MNS1: variants seen among roughly 807,000 people sequenced by gnomAD.
MNS1 encodes the protein meiosis-specific nuclear structural protein 1.
In MNS1, 63 loss-of-function variants were observed where a neutral mutation model predicts 72.0. That is an observed-to-expected ratio of 0.87 (90% CI 0.71 to 1.08). MNS1 has a LOEUF of 1.08. MNS1 is among the 50% of genes least tolerant of loss of function. MNS1 has a pLI of 0.00. For missense variants in MNS1, 604 were observed against 562.4 expected (o/e 1.07, Z -0.75); for synonymous variants, 188 against 172.1 (o/e 1.09, Z -0.72).
Position 56,464,050 on chromosome 15 carries a change from C to A in MNS1, c.201G>T (p.Leu67Phe). 1 of 1,612,632 alleles carries A rather than the reference C, an allele frequency of 6.2e-7. No homozygotes were observed. Among genetic ancestry groups the A allele is most frequent in the Non-Finnish European group, 8.5e-7 (1 of 1,179,570 alleles). Residue 67 changes from leucine (L) to phenylalanine (F), a missense_variant, in exon 2 of 10, where the codon TTG becomes TTT. By Grantham distance (22) the Leu-to-Phe change is conservative (BLOSUM62 0). Transcript: ENST00000260453. Reference protein sequence around the residue: ...LRLLQNEQFELDMEEAIQKAE... With the variant: ...LRLLQNEQFEFDMEEAIQKAE... ...CCTTTTGAATGGCCTCTTCCATATC[C>A]AACTCAAATTGTTCATTTTGTAATA... is the stretch of plus-strand genomic sequence containing the variant.
chr15:56,444,260 CATTT>C (rs2050869204), intron 5 of MNS1, among the ~76,000 whole-genome samples, 180 bp downstream of exon 5: 1 of 152,016 alleles, frequency 6.6e-6, no homozygotes, highest in Non-Finnish European at 1.5e-5. Flanking sequence ...TCAGATAATT[CATTT>C]ATTAATTATG....
At chr15:56,429,687 G>C (rs1307927853) in intron 9 of MNS1, 1 of 152,132 alleles carries the variant, frequency 6.6e-6, no homozygotes, top group Non-Finnish European at 1.5e-5. Context: ...ATTCTTCACT[G>C]TTCTATTTTT....
Position 56,459,999 on chromosome 15 carries a change from AAAAAAAAAAAATACATATAT to A in MNS1, c.226-3498_226-3479del, listed in dbSNP as rs1439535705. On this transcript the variant is annotated intron_variant, in intron 2 of 9. Coordinates refer to ENST00000260453, the MANE Select transcript of MNS1 (RefSeq NM_018365.4). ...GAGCGAAATTCTGTCTCAAAAAAAAAAAAAAAAAAAATACATATATATATATATATATATATGTGACTATA... is the reference window on the plus strand; with the variant it reads ...GAGCGAAATTCTGTCTCAAAAAAAAAATATATATATATATATGTGACTATA... Among the ~76,000 whole-genome samples, 3 of 33,684 alleles carry A rather than the reference AAAAAAAAAAAATACATATAT, an allele frequency of 8.9e-5. 1 individual carries two copies. Among genetic ancestry groups the A allele is most frequent in the African/African-American group, 3.3e-4 (3 of 9,154 alleles). The allele number at this position is 33,684 out of a possible 152,430, so 22.1% of individuals were successfully genotyped here. A position where few individuals can be genotyped will look rare whatever the true frequency, so the allele number is the denominator to read the frequency against.
chr15:56,461,959 G>C (rs1266062025), intron 2 of MNS1, among the ~76,000 whole-genome samples: 2 of 120,538 alleles, frequency 1.7e-5, no homozygotes, highest in Non-Finnish European at 1.7e-5. Flanking sequence ...CAATAACAAA[G>C]TGTTTTTTTG....
At chr15:56,457,135 A>G (rs2050986712) in intron 2 of MNS1, among the ~76,000 whole-genome samples, 1 of 152,140 alleles carries the variant, frequency 6.6e-6, no homozygotes, top group African/African-American at 2.4e-5. Context: ...TCACCTCTAC[A>G]CACATTTTTC....
At chr15:56,464,782 T>G (rs931020727) in intron 1 of MNS1, among the ~76,000 whole-genome samples, 188 bp downstream of exon 1, 2 of 152,150 alleles carry the variant, frequency 1.3e-5, no homozygotes, top group African/African-American at 4.8e-5. Context: ...ATGCGAAAAG[T>G]GCCAAAAAAG....
chr15:56,455,247 G>GAA (rs56339584), intron 3 of MNS1, among the ~76,000 whole-genome samples: 237 of 82,824 alleles, frequency 2.9e-3, no homozygotes, highest in Non-Finnish European at 4.0e-3. Flanking sequence ...ATCGTCAGGT[G>GAA]AAAAAAAAAA....
In MNS1 at chr15:56,436,704, C is replaced by T. The variant is rs187470676; in HGVS notation, c.1012-2309G>A. Among the ~76,000 whole-genome samples, 444 of 151,974 alleles carry T rather than the reference C, an allele frequency of 2.9e-3. 6 individuals are homozygous for T. The highest frequency in any genetic ancestry group is 7.2e-3 in the African/African-American group (297 of 41,448). On this transcript the variant is annotated intron_variant, in intron 7 of 9. Transcript: ENST00000260453. Reference sequence around the variant, plus strand: ...GAGAAGATCAACAAAATTGATAGACCGCTAGCAAGACTCATAACAAAGAAA... The same window carrying T: ...GAGAAGATCAACAAAATTGATAGACTGCTAGCAAGACTCATAACAAAGAAA...
chr15:56,456,347 T>A, intron 3 of MNS1, 47 bp downstream of exon 3: 1 of 1,548,490 alleles, frequency 6.5e-7, no homozygotes. Flanking sequence ...TACATAAGAG[T>A]TTAAAGATAA....
intron 2 of MNS1, among the ~76,000 whole-genome samples, chr15:56,461,975 G>GTTTTTTTTTT (rs56022687): frequency 5.1e-5 from 5 of 97,916 alleles, no homozygotes; most frequent in Non-Finnish European, 8.3e-5. Flanking sequence ...TTTTGTTGTT[G>GTTTTTTTTTT]TTTTTTTTTT....
rs974515219 is a variant in MNS1 at position 56,463,820 on chromosome 15, G to A, written c.225+206C>T. 3.4e-5 allele frequency: 17 copies of A among 506,756 alleles called. No homozygotes were observed. In the South Asian group the frequency reaches 5.6e-4, roughly 17 times the overall value. 31.4% of individuals were successfully genotyped at this position (506,756 alleles called of 1,614,324 possible). A position where few individuals can be genotyped will look rare whatever the true frequency, so the allele number is the denominator to read the frequency against. On this transcript the variant is annotated intron_variant, in intron 2 of 9. Transcript: ENST00000260453. ...GTAAAAGCAACTTACTCAAGGGTCC[G>A]TAGCTAAGGTATAGCAGTAGTAGGA...
rs1368295220 is a variant in MNS1, at chr15:56,443,635, T to C, written c.903+3A>G. ...AGTGTTAAAGAAGTGGTTATTTTAATACCGCATTCTGAAGCTGTAGCCTTT... is the reference window on the plus strand; with the variant it reads ...AGTGTTAAAGAAGTGGTTATTTTAACACCGCATTCTGAAGCTGTAGCCTTT... On this transcript the variant is annotated splice_donor_region_variant and intron_variant, in intron 6 of 9. Coordinates refer to ENST00000260453, the MANE Select transcript of MNS1 (RefSeq NM_018365.4). 6.2e-7 allele frequency: 1 copy of C among 1,610,224 alleles called. No homozygotes were observed. Among genetic ancestry groups the C allele is most frequent in the South Asian group, 1.1e-5 (1 of 89,940 alleles).
At chr15:56,445,590 C>A (rs2050893473) in intron 4 of MNS1, 1 of 151,900 alleles carries the variant, frequency 6.6e-6, no homozygotes, top group Non-Finnish European at 1.5e-5. Flanking sequence ...ATACTAAATT[C>A]TTTATTAAAA....
chr15:56,458,560 C>CATAATGTT (rs11270961), intron 2 of MNS1, among the ~76,000 whole-genome samples: 1 of 151,982 alleles, frequency 6.6e-6, no homozygotes, highest in Non-Finnish European at 1.5e-5. Context: ...ATGTATCTAC[C>CATAATGTT]GTACACAATC....
intron 3 of MNS1, chr15:56,447,649 TCA>T (rs1419558145): frequency 1.3e-5 from 2 of 152,342 alleles, no homozygotes; most frequent in Admixed American, 6.5e-5. Context: ...TTTTTAGTTT[TCA>T]GTTTTACTGA....
At chr15:56,438,886 A>G (rs1253065532) in intron 7 of MNS1, among the ~76,000 whole-genome samples, 2 of 152,194 alleles carry the variant, frequency 1.3e-5, no homozygotes, top group Non-Finnish European at 2.9e-5. Context: ...AGACAAGAAC[A>G]GGAAAGGTGA....
chr15:56,441,694 A>C (rs2050816637), intron 7 of MNS1, among the ~76,000 whole-genome samples: 1 of 152,176 alleles, frequency 6.6e-6, no homozygotes, highest in Non-Finnish European at 1.5e-5. Flanking sequence ...ATATCTAAGG[A>C]ACGTAAACAA....
intron 9 of MNS1, chr15:56,429,438 A>C: frequency 2.8e-6 from 1 of 357,846 alleles, no homozygotes; most frequent in South Asian, 3.8e-5. Context: ...TTTCATAGGA[A>C]TCTGAGCTCT....
intron 3 of MNS1, among the ~76,000 whole-genome samples, chr15:56,454,178 A>AT (rs1313813715): frequency 6.6e-6 from 1 of 152,102 alleles, no homozygotes; most frequent in African/African-American, 2.4e-5. Context: ...TGAGTTGTAA[A>AT]TTTTTTTGTA....
Sources: allele counts gnomAD v4.1 joint callset (sites outside exome capture counted in the v4.1 genomes callset), GRCh38; gene constraint gnomAD v4.1.1; transcripts MANE v1.5; gene names NCBI Gene and HGNC (gene_info 2026-07-23, HGNC 2026-07-21).